Variants in RORA observed in about 807,000 individuals in gnomAD.
The protein encoded by RORA is RAR related orphan receptor A, also known as nuclear receptor ROR-alpha.
RORA carries 7 observed loss-of-function variants against 69.5 expected under a neutral mutation model. The observed-to-expected ratio is 0.10, with a 90% confidence interval of 0.06 to 0.19. The LOEUF (loss-of-function observed/expected upper bound fraction) is 0.19, where lower values mean the gene tolerates loss of function less well. Among genes scored for constraint, RORA ranks in the 10% least tolerant of loss-of-function variants. RORA has a pLI of 1.00. For missense variants in RORA, 457 were observed against 663.0 expected (o/e 0.69, Z 3.41); for synonymous variants, 261 against 240.8 (o/e 1.08, Z -0.78).
At chr15:60,942,482 T>C (rs2140324421) in intron 1 of RORA, among the ~76,000 whole-genome samples, 1 of 152,362 alleles carries the variant, frequency 6.6e-6, no homozygotes, top group South Asian at 2.1e-4. Flanking sequence ...TATTTGCCCA[T>C]GGATGAAAAG....
chr15:60,891,301 G>T (rs907728428), intron 1 of RORA, among the ~76,000 whole-genome samples: 1 of 152,214 alleles, frequency 6.6e-6, no homozygotes, highest in South Asian at 2.1e-4. Context: ...GCACGTGTGT[G>T]TGCACATTGT....
At chr15:61,004,308 C>T (rs1894842885) in intron 1 of RORA, among the ~76,000 whole-genome samples, 1 of 149,282 alleles carries the variant, frequency 6.7e-6, no homozygotes, top group Non-Finnish European at 1.5e-5. Context: ...CTAATACGTA[C>T]AATACAAATA....
intron 2 of RORA, among the ~76,000 whole-genome samples, chr15:60,668,617 T>G (rs547948510): frequency 2.0e-4 from 30 of 152,268 alleles, no homozygotes; most frequent in Middle Eastern, 6.8e-3. Context: ...ACTGGTGTTA[T>G]CCTGTCTACT....
chr15:61,050,598 G>A (rs1897246927), intron 1 of RORA, among the ~76,000 whole-genome samples: 1 of 152,186 alleles, frequency 6.6e-6, no homozygotes, highest in South Asian at 2.1e-4. Flanking sequence ...TAAACACTAA[G>A]AGGAGGCAAT....
At chr15:60,507,765 A>G (rs913646869) in intron 5 of RORA, among the ~76,000 whole-genome samples, 1 of 152,168 alleles carries the variant, frequency 6.6e-6, no homozygotes, top group African/African-American at 2.4e-5. Flanking sequence ...GATGAAGATG[A>G]AGAGTCTTCG....
chr15:61,060,006 A>G (rs149578400), intron 1 of RORA, among the ~76,000 whole-genome samples: 90 of 130,592 alleles, frequency 6.9e-4, no homozygotes, highest in South Asian at 6.0e-3. Flanking sequence ...AAGAAGAAGA[A>G]GAAGAAGAAG....
At chr15:61,138,493 C>A (rs1202000655) in intron 1 of RORA, among the ~76,000 whole-genome samples, 4 of 152,134 alleles carry the variant, frequency 2.6e-5, no homozygotes, top group Admixed American at 1.3e-4. Flanking sequence ...GCTCCAGTTG[C>A]AATGTTTGCC....
At chr15:60,509,012 T>C (rs2065605942) in intron 5 of RORA, among the ~76,000 whole-genome samples, 1 of 152,188 alleles carries the variant, frequency 6.6e-6, no homozygotes, top group South Asian at 2.1e-4. Flanking sequence ...GATGTGTTGG[T>C]TTATAATTTA....
At chr15:60,888,255 C>T (rs998208139) in intron 1 of RORA, among the ~76,000 whole-genome samples, 3 of 152,234 alleles carry the variant, frequency 2.0e-5, no homozygotes, top group Admixed American at 6.5e-5. Flanking sequence ...CCCAGCTGGG[C>T]GGTCCCAAAC....
rs573276215 is a variant in RORA, at chr15:60,503,382, C to T, written c.1075+153G>A. On this transcript the variant is annotated intron_variant, in intron 7 of 10. Transcript: ENST00000335670. ...ATGTTTCCTGAATATATCTTAAAACCTTTGAAAAGAACTCCATTTCTGCTA... is the reference window on the plus strand; with the variant it reads ...ATGTTTCCTGAATATATCTTAAAACTTTTGAAAAGAACTCCATTTCTGCTA... Among the ~76,000 whole-genome samples the T allele has an allele frequency of 2.6e-5, 4 of 152,226 alleles. No homozygotes were observed. The East Asian group carries it at 5.8e-4, about 22-fold the overall frequency.
rs1045973491 is a variant in RORA, at chr15:61,213,425, C to A, written c.166+15628G>T. Among the ~76,000 whole-genome samples the A allele has an allele frequency of 6.6e-6, 1 of 152,114 alleles. No homozygotes were observed. Among genetic ancestry groups the A allele is most frequent in the African/African-American group, 2.4e-5 (1 of 41,408 alleles). On this transcript the variant is annotated intron_variant, in intron 1 of 10. Coordinates refer to ENST00000335670, the MANE Select transcript of RORA (RefSeq NM_134261.3). This position sits in a 1 kb window ranked among gnomAD's most constrained non-coding sequence, Gnocchi z 4.1. ...TATTTTTCATTTGTTCAAAATTTTG[C>A]TATAAGACAAGGTCCGAAATGCTTA...
At chr15:60,983,356 A>G (rs1425667559) in intron 1 of RORA, among the ~76,000 whole-genome samples, 1 of 152,222 alleles carries the variant, frequency 6.6e-6, no homozygotes, top group Non-Finnish European at 1.5e-5. Context: ...TGAAAGTATC[A>G]AAGTGTTTTA....
chr15:60,962,615 T>C (rs1893446998), intron 1 of RORA, among the ~76,000 whole-genome samples: 1 of 152,230 alleles, frequency 6.6e-6, no homozygotes, highest in Admixed American at 6.5e-5. Context: ...AGAGCTGTCC[T>C]TGAAACATTA....
chr15:60,747,185 C>T (rs902370770), intron 1 of RORA, among the ~76,000 whole-genome samples: 1 of 152,134 alleles, frequency 6.6e-6, no homozygotes, highest in African/African-American at 2.4e-5. Flanking sequence ...AAGTATGGCC[C>T]ACCTCCCAGA....
intron 1 of RORA, among the ~76,000 whole-genome samples, chr15:60,692,186 G>A (rs527953139): frequency 6.6e-6 from 1 of 152,186 alleles, no homozygotes; most frequent in Non-Finnish European, 1.5e-5. Context: ...AGTTGGAATA[G>A]TAGTTTGGCA....
intron 1 of RORA, among the ~76,000 whole-genome samples, chr15:60,822,654 G>A (rs796571255): frequency 1.2e-4 from 18 of 152,200 alleles, no homozygotes; most frequent in African/African-American, 4.1e-4. Flanking sequence ...AAGCACCCCA[G>A]GATGTATACA....
At chr15:60,569,777 C>G (rs2067825271) in intron 2 of RORA, among the ~76,000 whole-genome samples, 1 of 152,070 alleles carries the variant, frequency 6.6e-6, no homozygotes, top group Admixed American at 6.5e-5. Context: ...TAAGTTAAAC[C>G]TACTGGCGAC....
chr15:61,080,003 A>G (rs187469684), intron 1 of RORA, among the ~76,000 whole-genome samples: 1 of 152,314 alleles, frequency 6.6e-6, no homozygotes, highest in African/African-American at 2.4e-5. Context: ...TAAAGAGGCC[A>G]GCATGTGCCC....
intron 1 of RORA, among the ~76,000 whole-genome samples, chr15:61,102,439 A>G (rs751635430): frequency 6.6e-6 from 1 of 152,216 alleles, no homozygotes; most frequent in Admixed American, 6.5e-5. Flanking sequence ...CAACTGTCAG[A>G]GCCACAGCTG....
Sources: gnomAD v4.1 joint callset for allele counts (sites outside exome capture counted in the v4.1 genomes callset) on GRCh38, gnomAD v4.1.1 for gene constraint, Gnocchi (gnomAD v3.1) non-coding constraint, MANE v1.5 for transcripts, NCBI Gene and HGNC (gene_info 2026-07-23, HGNC 2026-07-21) for gene names.